The following LRRIQ1 variants were observed in gnomAD, a reference collection of about 807,000 sequenced individuals.
LRRIQ1 encodes leucine-rich repeat- and IQ domain-containing protein 1.
A neutral mutation model predicts 211.9 loss-of-function variants in LRRIQ1; 210 were observed. The observed-to-expected ratio is 0.99, with a 90% CI of 0.89 to 1.11. The LOEUF (loss-of-function observed/expected upper bound fraction) is 1.11, where lower values mean the gene tolerates loss of function less well. Ranked by LOEUF, LRRIQ1 falls within the 50% of genes most tolerant of loss-of-function variation. The pLI is 0.00. For synonymous variants in LRRIQ1, 699 were observed against 650.1 expected (o/e 1.08, Z -1.14); for missense variants, 2,136 against 1,939.5 (o/e 1.10, Z -1.90).
At chr12:85,123,607 A>G (rs888416837) in intron 16 of LRRIQ1, among the ~76,000 whole-genome samples, 1 of 152,116 alleles carries the variant, frequency 6.6e-6, no homozygotes, top group Non-Finnish European at 1.5e-5. Flanking sequence ...TTATTTTTCC[A>G]GAGATAAATG....
intron 11 of LRRIQ1, among the ~76,000 whole-genome samples, chr12:85,091,326 C>T (rs190917902): frequency 6.3e-4 from 96 of 152,090 alleles, no homozygotes; most frequent in African/African-American, 2.3e-3. Flanking sequence ...ATGTCCTTTG[C>T]GCGTGTTTTA....
chr12:85,120,395 A>G (rs1456110215), intron 15 of LRRIQ1, among the ~76,000 whole-genome samples: 1 of 152,184 alleles, frequency 6.6e-6, no homozygotes, highest in East Asian at 1.9e-4. Context: ...TGATCTGTCT[A>G]TTCTTTCACC....
intron 24 of LRRIQ1, among the ~76,000 whole-genome samples, chr12:85,161,901 G>A (rs561606341): frequency 1.3e-5 from 2 of 152,002 alleles, no homozygotes; most frequent in Non-Finnish European, 1.5e-5. Flanking sequence ...TTAGCCGGGC[G>A]TGGTGGTGGG....
chr12:85,124,069 G>T lies in LRRIQ1; in HGVS notation c.3558-1G>T. The T allele has an allele frequency of 6.3e-7, 1 of 1,592,550 alleles. No individual in the cohort carries two copies. The highest frequency in any genetic ancestry group is 1.1e-5 in the South Asian group (1 of 90,388). ...AATGTTCTCATCATTTATTTGTTCA[G>T]AGATGTATTTACCTTGGATACTGCA... On this transcript the variant is annotated splice_acceptor_variant, in intron 16 of 26. Coordinates refer to ENST00000393217, the MANE Select transcript of LRRIQ1 (RefSeq NM_001079910.2). LOFTEE classifies it high-confidence loss of function.
At chr12:85,209,177 G>A (rs903759611) in intron 24 of LRRIQ1, among the ~76,000 whole-genome samples, 1 of 152,120 alleles carries the variant, frequency 6.6e-6, no homozygotes, top group Non-Finnish European at 1.5e-5. Context: ...ATGCTGCTAT[G>A]AAGAAATACC....
At chr12:85,249,533 G>T (rs1895839395), downstream of LRRIQ1, among the ~76,000 whole-genome samples, 1 of 151,790 alleles carries the variant, frequency 6.6e-6, no homozygotes, top group Non-Finnish European at 1.5e-5. Flanking sequence ...CACACATCAT[G>T]ATAGTAAGCA....
chr12:85,037,645 A>C (rs757888024), intron 1 of LRRIQ1, among the ~76,000 whole-genome samples: 52 of 152,182 alleles, frequency 3.4e-4, no homozygotes, highest in Non-Finnish European at 5.9e-4. Context: ...AGAAGGAATG[A>C]AGAAAAGAAC....
chr12:85,189,234 A>G (rs1424456130), intron 24 of LRRIQ1, among the ~76,000 whole-genome samples: 1 of 152,132 alleles, frequency 6.6e-6, no homozygotes, highest in Admixed American at 6.6e-5. Flanking sequence ...TGAAGAAAAG[A>G]GCAAATGGCT....
At position 85,260,019 on chromosome 12, in the gene LRRIQ1, C is replaced by T. The variant is rs919089906; in HGVS notation, c.122-2896C>T. On this transcript the variant is annotated intron_variant, in intron 1 of 1. Transcript: ENST00000602731. ...AGAAAAGCTGGGCTTTAATGCAATT[C>T]AGTCTATTTCATTTTGAAATATTTT... Among the ~76,000 whole-genome samples, 4 of 149,314 alleles carry T rather than the reference C, an allele frequency of 2.7e-5. No homozygotes were observed. In the Admixed American group the frequency reaches 2.7e-4, roughly 10 times the overall value.
At chr12:85,069,102 C>T (rs1371332680) in intron 10 of LRRIQ1, among the ~76,000 whole-genome samples, 1 of 140,406 alleles carries the variant, frequency 7.1e-6, no homozygotes, top group Non-Finnish European at 1.5e-5. Context: ...CCCCCCACCT[C>T]ACAACAGTCC....
intron 23 of LRRIQ1, among the ~76,000 whole-genome samples, chr12:85,158,952 G>C (rs1890711870): frequency 6.6e-6 from 1 of 151,410 alleles, no homozygotes; most frequent in Non-Finnish European, 1.5e-5. Context: ...TATTTTCAGG[G>C]ACTATCAAAA....
intron 15 of LRRIQ1, among the ~76,000 whole-genome samples, chr12:85,108,383 C>A (rs1004291607): frequency 6.6e-6 from 1 of 152,134 alleles, no homozygotes; most frequent in Non-Finnish European, 1.5e-5. Context: ...CCACCTCAGT[C>A]TCCCAAAGTG....
intron 4 of LRRIQ1, among the ~76,000 whole-genome samples, chr12:85,045,180 T>C (rs1056882202): frequency 3.3e-5 from 5 of 151,964 alleles, no homozygotes; most frequent in African/African-American, 4.8e-5. Flanking sequence ...AGAGACGTTA[T>C]AGAAAATTTA....
At chr12:85,148,529 T>C (rs751190861) in intron 19 of LRRIQ1, among the ~76,000 whole-genome samples, 9 of 152,050 alleles carry the variant, frequency 5.9e-5, no homozygotes, top group Non-Finnish European at 2.9e-5. Flanking sequence ...ATGTACCATC[T>C]TTTCTTTATC....
chr12:85,106,618 A>AT lies in LRRIQ1; in HGVS notation c.3377+3_3377+4insT. The AT allele has an allele frequency of 1.9e-6, 3 of 1,599,108 alleles. No homozygotes were observed. The highest frequency in any genetic ancestry group is 2.6e-6 in the Non-Finnish European group (3 of 1,167,368). On this transcript the variant is annotated splice_donor_region_variant and intron_variant, in intron 15 of 26. Coordinates refer to ENST00000393217, the MANE Select transcript of LRRIQ1 (RefSeq NM_001079910.2). ...CTTCTTCAAGAAACAAACTGGAGGT[A>AT]AAGAGGCATTGTTGCACCCCATGTA...
At chr12:85,192,891 G>C (rs1350961100) in intron 24 of LRRIQ1, among the ~76,000 whole-genome samples, 2 of 80,430 alleles carry the variant, frequency 2.5e-5, no homozygotes, top group Non-Finnish European at 2.1e-5. Flanking sequence ...TAAATATATA[G>C]TTATATACTA....
intron 15 of LRRIQ1, among the ~76,000 whole-genome samples, chr12:85,116,132 TTTG>T (rs1016600924): frequency 2.6e-5 from 4 of 152,142 alleles, no homozygotes; most frequent in African/African-American, 7.2e-5. Flanking sequence ...AAATTCTTTT[TTTG>T]TTGTTGTTTG....
Position 85,232,816 on chromosome 12 carries a change from G to T in LRRIQ1, c.5016+60G>T, listed in dbSNP as rs567102890. ...GTAGACACTAGTGCTCAAATAAATG[G>T]CACTTTAAGATATGTTTATAATTAA... On this transcript the variant is annotated intron_variant, in intron 26 of 26. Transcript: ENST00000393217. 11 of 1,138,380 alleles carry T rather than the reference G, an allele frequency of 9.7e-6. No individual in the cohort carries two copies. The Middle Eastern group carries it at 5.8e-4, about 60-fold the overall frequency. 70.5% of individuals were successfully genotyped at this position (1,138,380 alleles called of 1,614,324 possible).
chr12:85,237,196 A>T (rs1895229372), intron 26 of LRRIQ1, among the ~76,000 whole-genome samples: 1 of 152,066 alleles, frequency 6.6e-6, no homozygotes, highest in Non-Finnish European at 1.5e-5. Flanking sequence ...CCTGGATAAA[A>T]TTAATCAAAC....
Sources: gnomAD v4.1 joint callset for allele counts (sites outside exome capture counted in the v4.1 genomes callset) on GRCh38, gnomAD v4.1.1 for gene constraint, MANE v1.5 for transcripts, NCBI Gene and HGNC (gene_info 2026-07-23, HGNC 2026-07-21) for gene names.